The following ZNF790 variants were observed in gnomAD, a reference collection of about 807,000 sequenced individuals.
The protein encoded by ZNF790 is zinc finger protein 790.
In ZNF790, 8 loss-of-function variants were observed where a neutral mutation model predicts 12.1. That is an observed-to-expected ratio of 0.66 (90% CI 0.39 to 1.19). The LOEUF (loss-of-function observed/expected upper bound fraction) is 1.19, where lower values mean the gene tolerates loss of function less well. ZNF790 is among the 50% of genes most tolerant of loss of function. The probability of loss-of-function intolerance (pLI) is 0.01; values close to 1 mark genes in which losing one functional copy is unlikely to be tolerated. For missense variants in ZNF790, 707 were observed against 752.2 expected (o/e 0.94, Z 0.70); for synonymous variants, 252 against 244.3 (o/e 1.03, Z -0.29).
rs190233332 is a variant in ZNF790 at position 36,847,689 on chromosome 19, G to A, written c.-74+2313C>T. Among the ~76,000 whole-genome samples the A allele has an allele frequency of 4.2e-3, 629 of 150,854 alleles. 4 individuals carry two copies. Among genetic ancestry groups the A allele is most frequent in the Middle Eastern group, 0.038 (11 of 286 alleles). ...CACTTGAACTGGGGAGATGGAGGTT[G>A]CAGTGAGCCAAGATCACGTCATTAC... On this transcript the variant is annotated intron_variant, in intron 1 of 4. Coordinates refer to the ZNF790 transcript ENST00000528994.
chr19:36,827,166 A>G (rs1219547657), intron 1 of ZNF790, among the ~76,000 whole-genome samples: 1 of 140,150 alleles, frequency 7.1e-6, no homozygotes, highest in Admixed American at 7.2e-5. Context: ...ATATATATAT[A>G]TATATATATA....
At chr19:36,840,479 G>A (rs2072121058), upstream of ZNF790, among the ~76,000 whole-genome samples, 1 of 152,184 alleles carries the variant, frequency 6.6e-6, no homozygotes, top group African/African-American at 2.4e-5. Context: ...ACCAATCAGG[G>A]CAGTTTATTA....
chr19:36,846,279 C>T (rs1458928643), intron 1 of ZNF790, among the ~76,000 whole-genome samples: 1 of 152,138 alleles, frequency 6.6e-6, no homozygotes, highest in African/African-American at 2.4e-5. Context: ...CTCAATGAGG[C>T]CAGGCGCAGT....
chr19:36,832,848 G>C (rs2071968827), intron 1 of ZNF790, among the ~76,000 whole-genome samples: 1 of 151,922 alleles, frequency 6.6e-6, no homozygotes. Context: ...AGAGATAAAG[G>C]GTGTCATTTC....
upstream of ZNF790, among the ~76,000 whole-genome samples, chr19:36,839,697 G>A (rs1301883033): frequency 1.3e-5 from 2 of 152,172 alleles, no homozygotes; most frequent in Non-Finnish European, 2.9e-5. Flanking sequence ...TAACCTGTGT[G>A]ATCATTTCTG....
At chr19:36,827,233 C>T (rs940532850) in intron 1 of ZNF790, among the ~76,000 whole-genome samples, 1 of 147,894 alleles carries the variant, frequency 6.8e-6, no homozygotes, top group Non-Finnish European at 1.5e-5. Flanking sequence ...AGCCTGGGCT[C>T]CAGAGTCAGA....
intron 1 of ZNF790, among the ~76,000 whole-genome samples, chr19:36,833,244 G>A (rs1486863223): frequency 4.6e-5 from 7 of 152,236 alleles, no homozygotes; most frequent in Non-Finnish European, 1.0e-4. Flanking sequence ...CCGGGTTCAA[G>A]TAATTCTCCT....
intron 1 of ZNF790, among the ~76,000 whole-genome samples, chr19:36,849,222 CG>C (rs1351621455): frequency 2.0e-5 from 3 of 152,114 alleles, no homozygotes; most frequent in Non-Finnish European, 4.4e-5. Context: ...CCACCATGCC[CG>C]GCCCTTCCTG....
chr19:36,838,818 T>C (rs537297272), upstream of ZNF790, among the ~76,000 whole-genome samples: 1 of 152,306 alleles, frequency 6.6e-6, no homozygotes, highest in East Asian at 1.9e-4. This position sits in a 1 kb window ranked among gnomAD's most constrained non-coding sequence, Gnocchi z 4.4. Flanking sequence ...GCCTCTGACC[T>C]ATGTGGCATG....
chr19:36,846,317 G>A (rs2072180277), intron 1 of ZNF790, among the ~76,000 whole-genome samples: 1 of 152,098 alleles, frequency 6.6e-6, no homozygotes. Flanking sequence ...CCAGCACTTT[G>A]GGAGGACGAT....
In ZNF790 at chr19:36,838,373, G is replaced by A. The variant is rs917731308; in HGVS notation, c.-110C>T. On this transcript the variant is annotated 5_prime_UTR_variant, in exon 1 of 5. Coordinates refer to ENST00000356725, the MANE Select transcript of ZNF790 (RefSeq NM_206894.4). The surrounding 1 kb of genome is among the most constrained non-coding windows in gnomAD (Gnocchi z 4.4). Reference sequence around the variant, plus strand: ...GTCCCTTGATGGTGGAAGGTTCCGCGATCTTTCTATTAACCCTAAAGGGAC... The same window carrying A: ...GTCCCTTGATGGTGGAAGGTTCCGCAATCTTTCTATTAACCCTAAAGGGAC... 2.6e-5 allele frequency: 4 copies of A among 152,300 alleles called. No homozygotes were observed. Among genetic ancestry groups the A allele is most frequent in the African/African-American group, 9.6e-5 (4 of 41,462 alleles). 9.4% of individuals were successfully genotyped at this position (152,300 alleles called of 1,614,324 possible).
intron 1 of ZNF790, among the ~76,000 whole-genome samples, chr19:36,833,754 T>G (rs927211045): frequency 6.6e-6 from 1 of 152,148 alleles, no homozygotes. Context: ...AAACAAATCA[T>G]GATTTCCCCT....
At position 36,820,416 on chromosome 19, in the gene ZNF790, A is replaced by G. The variant is rs1192966588; in HGVS notation, c.230-302T>C. Among the ~76,000 whole-genome samples the G allele has an allele frequency of 3.3e-5, 5 of 152,218 alleles. 1 individual carries two copies. The highest frequency in any genetic ancestry group is 1.3e-4 in the Admixed American group (2 of 15,278). On this transcript the variant is annotated intron_variant, in intron 4 of 4. Coordinates refer to ENST00000356725, the MANE Select transcript of ZNF790 (RefSeq NM_206894.4). ...GAATAATAAGTCATAAAATACCTAC[A>G]AGTTTCCAAGTACTATGATGAATGT...
Position 36,848,856 on chromosome 19 carries a change from C to T in ZNF790, c.-74+1146G>A, listed in dbSNP as rs188643818. On this transcript the variant is annotated intron_variant, in intron 1 of 4. Coordinates refer to the ZNF790 transcript ENST00000528994. ...TCATCCAGGCTGGAGTGCAGTGGTG[C>T]GATCTCAGTTCACTGCAACCTCTGT... Among the ~76,000 whole-genome samples, 5 of 152,132 alleles carry T rather than the reference C, an allele frequency of 3.3e-5. No homozygotes were observed. In the East Asian group the frequency reaches 5.8e-4, roughly 18 times the overall value.
chr19:36,843,455 T>C (rs966477133), intron 1 of ZNF790, among the ~76,000 whole-genome samples: 5 of 152,150 alleles, frequency 3.3e-5, no homozygotes, highest in Non-Finnish European at 7.3e-5. Flanking sequence ...CCTGAAACCC[T>C]GATGGGCTAC....
chr19:36,846,557 C>T (rs1290665421), intron 1 of ZNF790, among the ~76,000 whole-genome samples: 2 of 151,660 alleles, frequency 1.3e-5, no homozygotes, highest in South Asian at 2.1e-4. Context: ...GAGCGAGACT[C>T]CGTCTCAAAA....
intron 1 of ZNF790, among the ~76,000 whole-genome samples, chr19:36,844,330 A>C: frequency 6.8e-6 from 1 of 147,900 alleles, no homozygotes; most frequent in East Asian, 1.9e-4. Flanking sequence ...ACAAAACAAA[A>C]AACAAAAAAA....
chr19:36,819,981 C>G lies in ZNF790; in HGVS notation c.363G>C (p.Trp121Cys). 6.2e-7 allele frequency: 1 copy of G among 1,614,002 alleles called. No individual in the cohort carries two copies. ...SLDCLCFRGD[W>C]EGNTQFQTLQ... is the part of the protein sequence containing the mutation. ...GTGTTTGAAACTGAGTGTTGCCTTC[C>G]CAGTCACCTCTAAAACATAAACAGT... The change falls in exon 5 of 5, where the codon TGG (tryptophan) becomes TGC (cysteine). Residue 121 changes from tryptophan (W) to cysteine (C), a missense_variant. By Grantham distance (215) the Trp-to-Cys change is radical (BLOSUM62 -2). Transcript: ENST00000356725.
intron 1 of ZNF790, among the ~76,000 whole-genome samples, chr19:36,848,981 C>T (rs1178705005): frequency 3.3e-5 from 5 of 152,126 alleles, no homozygotes; most frequent in South Asian, 2.1e-4. Context: ...TTAGTAGAGA[C>T]GGGGTTTCAC....
Sources: allele counts gnomAD v4.1 joint callset (sites outside exome capture counted in the v4.1 genomes callset), GRCh38; gene constraint gnomAD v4.1.1; non-coding constraint Gnocchi (gnomAD v3.1); transcripts MANE v1.5; gene names NCBI Gene and HGNC (gene_info 2026-07-23, HGNC 2026-07-21).